The following SNCAIP variants were observed in gnomAD, a reference collection of about 807,000 sequenced individuals.
The protein encoded by SNCAIP is synuclein alpha interacting protein, also known as synphilin-1.
In SNCAIP, 43 loss-of-function variants were observed where a neutral mutation model predicts 86.7. That is an observed-to-expected ratio of 0.50 (90% CI 0.39 to 0.64). The LOEUF is 0.64. SNCAIP is among the 30% of genes least tolerant of loss of function. SNCAIP has a pLI of 0.00. For missense variants in SNCAIP, 981 were observed against 1,103.1 expected, an observed-to-expected ratio of 0.89 and a Z score of 1.57; for synonymous variants, 417 against 427.2, an observed-to-expected ratio of 0.98 and a Z score of 0.29.
At chr5:122,342,462 A>G (rs1307265782) in intron 1 of SNCAIP, among the ~76,000 whole-genome samples, 1 of 152,162 alleles carries the variant, frequency 6.6e-6, no homozygotes, top group Admixed American at 6.5e-5. Context: ...TGTAAACTAA[A>G]GAAAACACAG....
At position 122,391,265 on chromosome 5, in the gene SNCAIP, T is replaced by G. The variant is rs1354684975; in HGVS notation, c.57+74T>G. 3.9e-6 allele frequency: 4 copies of G among 1,037,212 alleles called. No homozygotes were observed. The Admixed American group carries it at 6.8e-5, about 18-fold the overall frequency. 64.3% of individuals were successfully genotyped at this position (1,037,212 alleles called of 1,614,324 possible). A position where few individuals can be genotyped will look rare whatever the true frequency, so the allele number is the denominator to read the frequency against. On this transcript the variant is annotated intron_variant, in intron 2 of 10. Coordinates refer to ENST00000261368, the MANE Select transcript of SNCAIP (RefSeq NM_005460.4). The stretch of plus-strand genomic sequence containing the variant: ...ACTTCATAGCCTACTTTCTCCATTA[T>G]AGTCTATATATCCTCAACTTTTCTG...
Position 122,391,196 on chromosome 5 carries a change from GTA to G in SNCAIP, c.57+6_57+7del. 6.3e-7 allele frequency: 1 copy of G among 1,585,184 alleles called. No individual in the cohort carries two copies. Among genetic ancestry groups the G allele is most frequent in the Non-Finnish European group, 8.7e-7 (1 of 1,153,788 alleles). On this transcript the variant is annotated splice_donor_region_variant and intron_variant, in intron 2 of 10. Coordinates refer to ENST00000261368, the MANE Select transcript of SNCAIP (RefSeq NM_005460.4). ...GACTTTAGTGATGACATATCTGTAA[GTA>G]CCACTGTATACAAGAAATGCTTTCA...
At chr5:122,461,257 G>A (rs1344978673) in intron 10 of SNCAIP, among the ~76,000 whole-genome samples, 1 of 152,066 alleles carries the variant, frequency 6.6e-6, no homozygotes, top group East Asian at 1.9e-4. Context: ...AAGATTTTAT[G>A]ATTTCTTCTT....
chr5:122,444,154 G>A, intron 7 of SNCAIP: 2 of 459,866 alleles, frequency 4.3e-6, no homozygotes, highest in Non-Finnish European at 8.7e-6. Flanking sequence ...CCAATTACCA[G>A]AGACCAAATC....
chr5:122,414,433 G>T (rs1774853427), intron 3 of SNCAIP, among the ~76,000 whole-genome samples: 1 of 152,010 alleles, frequency 6.6e-6, no homozygotes, highest in African/African-American at 2.4e-5. Flanking sequence ...GTTTCACCAT[G>T]TTGGCCAGGC....
chr5:122,396,116 C>G (rs1291088087), intron 2 of SNCAIP, among the ~76,000 whole-genome samples: 1 of 152,114 alleles, frequency 6.6e-6, no homozygotes, highest in Non-Finnish European at 1.5e-5. Context: ...TTTGTAATAT[C>G]CTGCATTCAA....
intron 6 of SNCAIP, among the ~76,000 whole-genome samples, chr5:122,435,014 T>A (rs768820774): frequency 6.7e-6 from 1 of 149,740 alleles, no homozygotes; most frequent in Non-Finnish European, 1.5e-5. Flanking sequence ...TGACTCCTAA[T>A]TTGTGTCGTT....
intron 3 of SNCAIP, among the ~76,000 whole-genome samples, chr5:122,406,968 A>G (rs951406756): frequency 1.3e-5 from 2 of 152,200 alleles, no homozygotes; most frequent in African/African-American, 4.8e-5. Flanking sequence ...ATCCTTGTAC[A>G]TATTATATCT....
intron 1 of SNCAIP, among the ~76,000 whole-genome samples, chr5:122,317,376 G>A (rs1362696514): frequency 6.6e-6 from 1 of 152,170 alleles, no homozygotes; most frequent in African/African-American, 2.4e-5. Flanking sequence ...TTTCTTCATG[G>A]TGGCAAAATT....
At chr5:122,352,854 C>T (rs941371408) in intron 1 of SNCAIP, among the ~76,000 whole-genome samples, 1 of 152,110 alleles carries the variant, frequency 6.6e-6, no homozygotes, top group African/African-American at 2.4e-5. Context: ...CTACAAGAAA[C>T]TTGAATAAAA....
intron 8 of SNCAIP, among the ~76,000 whole-genome samples, 162 bp from the exon 9 acceptor site, chr5:122,449,683 C>T (rs2152998135): frequency 6.6e-6 from 1 of 152,122 alleles, no homozygotes. Flanking sequence ...TGATTGTTTC[C>T]TTAGGAAAAT....
In SNCAIP at chr5:122,451,318, A is replaced by C. The variant is rs760673820; in HGVS notation, c.2471A>C (p.Gln824Pro). Residue 824 changes from glutamine (Q) to proline (P), a missense_variant, in exon 10 of 11, where the codon CAG (glutamine) becomes CCG (proline). By Grantham distance (76) the Gln-to-Pro change is moderately conservative. Coordinates refer to ENST00000261368, the MANE Select transcript of SNCAIP (RefSeq NM_005460.4). The stretch of plus-strand genomic sequence containing the variant: ...GTTACCTTTGAGGAGCCTGTGGTGC[A>C]GATGGAGCAGCCTAGCCTTGAACTG... ...LRVTFEEPVV[Q>P]MEQPSLELNG... The C allele has an allele frequency of 6.2e-7, 1 of 1,614,224 alleles. No homozygotes were observed. Among genetic ancestry groups the C allele is most frequent in the Non-Finnish European group, 8.5e-7 (1 of 1,180,038 alleles).
chr5:122,346,779 G>A (rs767162765), intron 1 of SNCAIP, among the ~76,000 whole-genome samples: 18 of 151,250 alleles, frequency 1.2e-4, no homozygotes, highest in Non-Finnish European at 2.5e-4. Context: ...ATGAAAGTAG[G>A]GTTGAAATGA....
rs982523816 is a variant in SNCAIP, at chr5:122,403,679, A to G, written c.58-114A>G. Reference sequence around the variant, plus strand: ...GGGTAAAATGAGATAAATTTTCTGAATATACATGTTGTGCCCAAGTATCAC... The same window carrying G: ...GGGTAAAATGAGATAAATTTTCTGAGTATACATGTTGTGCCCAAGTATCAC... On this transcript the variant is annotated intron_variant, in intron 2 of 10. Coordinates refer to ENST00000261368, the MANE Select transcript of SNCAIP (RefSeq NM_005460.4). 8.1e-6 allele frequency: 7 copies of G among 865,624 alleles called. No homozygotes were observed. In the African/African-American group the frequency reaches 9.9e-5, roughly 12 times the overall value. 53.6% of individuals were successfully genotyped at this position (865,624 alleles called of 1,614,324 possible). A position where few individuals can be genotyped will look rare whatever the true frequency, so the allele number is the denominator to read the frequency against.
At chr5:122,357,581 G>C (rs978011922) in intron 1 of SNCAIP, among the ~76,000 whole-genome samples, 3 of 151,078 alleles carry the variant, frequency 2.0e-5, no homozygotes, top group Non-Finnish European at 4.4e-5. Flanking sequence ...GTATTTAAAA[G>C]GACCCACCCT....
chr5:122,317,054 GT>G (rs11316478), intron 1 of SNCAIP, among the ~76,000 whole-genome samples: 28,699 of 152,012 alleles, frequency 0.19, 2,767 homozygotes, highest in South Asian at 0.3. Flanking sequence ...GTGCAGTAAC[GT>G]TTTTTTAAAA....
intron 3 of SNCAIP, among the ~76,000 whole-genome samples, chr5:122,414,925 T>C (rs1774985569): frequency 6.6e-6 from 1 of 152,206 alleles, no homozygotes; most frequent in Non-Finnish European, 1.5e-5. Flanking sequence ...AATGAAATCA[T>C]ACACTTGCCT....
chr5:122,425,422 C>A lies in SNCAIP; in HGVS notation c.1073C>A (p.Ala358Glu), dbSNP rs371777182. The A allele has an allele frequency of 6.2e-7, 1 of 1,613,662 alleles. No homozygotes were observed. The highest frequency in any genetic ancestry group is 8.5e-7 in the Non-Finnish European group (1 of 1,179,560). Residue 358 changes from alanine to glutamate, a missense_variant, in exon 5 of 11, where the codon GCG becomes GAG. Ala to Glu is a moderately radical substitution (Grantham distance 107). Coordinates refer to ENST00000261368, the MANE Select transcript of SNCAIP (RefSeq NM_005460.4). The part of the protein sequence containing the change: ...ENGNNLLHIA[A>E]SQGHAECLQH... ...GGAAACAATCTATTACATATTGCGG[C>A]GTCACAGGGACACGCAGAGTGTCTA...
chr5:122,406,977 C>A (rs1014807998), intron 3 of SNCAIP, among the ~76,000 whole-genome samples: 1 of 152,130 alleles, frequency 6.6e-6, no homozygotes, highest in African/African-American at 2.4e-5. Context: ...CATATTATAT[C>A]TTTGACCAGA....
Sources: gnomAD v4.1 joint callset for allele counts (sites outside exome capture counted in the v4.1 genomes callset) on GRCh38, gnomAD v4.1.1 for gene constraint, MANE v1.5 for transcripts, NCBI Gene and HGNC (gene_info 2026-07-23, HGNC 2026-07-21) for gene names.